KIAA1328: variants seen among roughly 807,000 people sequenced by gnomAD.
KIAA1328 encodes KIAA1328, also known as protein hinderin.
A neutral mutation model predicts 68.1 loss-of-function variants in KIAA1328; 52 were observed. The observed-to-expected ratio is 0.76, with a 90% CI of 0.61 to 0.96. The LOEUF (loss-of-function observed/expected upper bound fraction) is 0.96, where lower values mean the gene tolerates loss of function less well. KIAA1328 is among the 40% of genes least tolerant of loss of function. The pLI is 0.00. For synonymous variants in KIAA1328, 232 were observed against 239.4 expected, an observed-to-expected ratio of 0.97 and a Z score of 0.28; for missense variants, 641 against 677.6, an observed-to-expected ratio of 0.95 and a Z score of 0.60.
chr18:37,063,561 G>T (rs774284958), intron 6 of KIAA1328: 3 of 835,686 alleles, frequency 3.6e-6, no homozygotes, highest in Non-Finnish European at 4.3e-6. Flanking sequence ...TAAAAGTTGC[G>T]TACACTAGGG....
chr18:37,008,530 A>C (rs2053861271), intron 6 of KIAA1328, among the ~76,000 whole-genome samples: 1 of 152,236 alleles, frequency 6.6e-6, no homozygotes, highest in Admixed American at 6.5e-5. Flanking sequence ...AACCCAGAAA[A>C]TTATAACCAT....
chr18:37,006,458 T>C (rs1452870581), intron 6 of KIAA1328, among the ~76,000 whole-genome samples: 1 of 152,144 alleles, frequency 6.6e-6, no homozygotes, highest in East Asian at 1.9e-4. Flanking sequence ...AAATTCTTAG[T>C]TTGTAGTAAG....
intron 6 of KIAA1328, among the ~76,000 whole-genome samples, chr18:36,989,654 T>A (rs1330018306): frequency 6.6e-6 from 1 of 152,192 alleles, no homozygotes; most frequent in South Asian, 2.1e-4. Context: ...AATGATATAT[T>A]TTTTTAAGAT....
intron 7 of KIAA1328, among the ~76,000 whole-genome samples, chr18:37,138,834 G>A (rs1465263211): frequency 1.3e-5 from 2 of 151,808 alleles, no homozygotes; most frequent in Non-Finnish European, 2.9e-5. Flanking sequence ...CACATAGTAG[G>A]CTGTCAGATA....
chr18:37,186,332 A>G (rs2059799557), intron 9 of KIAA1328, among the ~76,000 whole-genome samples: 1 of 151,804 alleles, frequency 6.6e-6, no homozygotes, highest in Non-Finnish European at 1.5e-5. Context: ...TTGGGAGGCC[A>G]AGGAGGGTGG....
chr18:37,158,055 A>C (rs2059194374), intron 7 of KIAA1328, among the ~76,000 whole-genome samples: 1 of 150,706 alleles, frequency 6.6e-6, no homozygotes, highest in African/African-American at 2.4e-5. Flanking sequence ...TTTTTTTGGA[A>C]ACAGAGTCTC....
At position 37,222,393 on chromosome 18, in the gene KIAA1328, A is replaced by G; in HGVS notation, c.*166A>G. On this transcript the variant is annotated 3_prime_UTR_variant, in exon 10 of 10. Transcript: ENST00000280020. ...AGAAATCATTCTAACAACCCAGGTT[A>G]TTTTCAATCAGACCAGGCATTCGAT... 1 of 1,440,596 alleles carries G rather than the reference A, an allele frequency of 6.9e-7. No homozygotes were observed. The highest frequency in any genetic ancestry group is 9.1e-7 in the Non-Finnish European group (1 of 1,104,528). 89.2% of individuals were successfully genotyped at this position (1,440,596 alleles called of 1,614,324 possible). A position where few individuals can be genotyped will look rare whatever the true frequency, so the allele number is the denominator to read the frequency against.
At chr18:37,063,593 C>A in intron 6 of KIAA1328, 1 of 980,112 alleles carries the variant, frequency 1.0e-6, no homozygotes, top group Non-Finnish European at 1.2e-6. Flanking sequence ...CGGGGAGCAT[C>A]TTAGAATTCT....
chr18:37,203,904 G>C (rs182398669), intron 9 of KIAA1328, among the ~76,000 whole-genome samples: 3 of 152,168 alleles, frequency 2.0e-5, no homozygotes, highest in African/African-American at 7.2e-5. Context: ...CCGCCTCCCG[G>C]GTTCATGCCA....
At chr18:37,018,582 T>C (rs1259957439) in intron 6 of KIAA1328, among the ~76,000 whole-genome samples, 1 of 152,166 alleles carries the variant, frequency 6.6e-6, no homozygotes, top group African/African-American at 2.4e-5. Flanking sequence ...TTTTATCCTA[T>C]CTCAGGAATG....
chr18:36,861,922 G>A, intron 4 of KIAA1328, among the ~76,000 whole-genome samples: 1 of 151,936 alleles, frequency 6.6e-6, no homozygotes, highest in East Asian at 1.9e-4. Context: ...TACCAGCCTT[G>A]GCCCCCAAAA....
chr18:37,101,541 T>C (rs1356925866), intron 7 of KIAA1328, among the ~76,000 whole-genome samples: 1 of 152,202 alleles, frequency 6.6e-6, no homozygotes, highest in Non-Finnish European at 1.5e-5. Context: ...CTACATCTGA[T>C]TGGTGTACCT....
chr18:36,921,434 C>T (rs55843613), intron 5 of KIAA1328, among the ~76,000 whole-genome samples: 16,712 of 152,140 alleles, frequency 0.11, 1,148 homozygotes, highest in East Asian at 0.14. Flanking sequence ...GATGGAGTCT[C>T]GCTTTGTCAC....
At chr18:36,927,286 T>A (rs1382016898) in intron 5 of KIAA1328, among the ~76,000 whole-genome samples, 1 of 152,228 alleles carries the variant, frequency 6.6e-6, no homozygotes, top group Non-Finnish European at 1.5e-5. Flanking sequence ...GGGAACTGTC[T>A]GTAGTATCTT....
intron 6 of KIAA1328, among the ~76,000 whole-genome samples, chr18:37,030,576 T>C (rs954439369): frequency 6.6e-6 from 1 of 152,188 alleles, no homozygotes; most frequent in Non-Finnish European, 1.5e-5. Flanking sequence ...TATCATATGA[T>C]CTGGCCAATT....
intron 9 of KIAA1328, among the ~76,000 whole-genome samples, chr18:37,207,501 G>C (rs930363733): frequency 1.3e-5 from 2 of 152,200 alleles, no homozygotes; most frequent in Admixed American, 6.5e-5. Context: ...TTAGGTCAAA[G>C]TGTCCTGCTT....
At chr18:37,122,121 A>G (rs1160195176) in intron 7 of KIAA1328, among the ~76,000 whole-genome samples, 2 of 152,174 alleles carry the variant, frequency 1.3e-5, no homozygotes, top group Non-Finnish European at 2.9e-5. Flanking sequence ...GCTGTGAAAG[A>G]GGAGTCTGCA....
intron 7 of KIAA1328, among the ~76,000 whole-genome samples, chr18:37,122,424 T>G (rs2058294760): frequency 6.6e-6 from 1 of 151,762 alleles, no homozygotes; most frequent in Non-Finnish European, 1.5e-5. Flanking sequence ...AGACTTAGAG[T>G]CAAAGGTGGG....
intron 8 of KIAA1328, among the ~76,000 whole-genome samples, chr18:37,167,999 A>G (rs2059424872): frequency 6.6e-6 from 1 of 152,206 alleles, no homozygotes; most frequent in Admixed American, 6.5e-5. Flanking sequence ...AATACAGCAT[A>G]TTGAAAGGAT....
Sources: allele counts gnomAD v4.1 joint callset (sites outside exome capture counted in the v4.1 genomes callset), GRCh38; gene constraint gnomAD v4.1.1; transcripts MANE v1.5; gene names NCBI Gene and HGNC (gene_info 2026-07-23, HGNC 2026-07-21).